The following CLASP1 variants were observed in gnomAD, a reference collection of about 807,000 sequenced individuals.
CLASP1 encodes cytoplasmic linker associated protein 1.
CLASP1 carries 38 observed loss-of-function variants against 192.3 expected under a neutral mutation model. That is an observed-to-expected ratio of 0.20 (90% CI 0.15 to 0.26). The LOEUF (loss-of-function observed/expected upper bound fraction) is 0.26, where lower values mean the gene tolerates loss of function less well. Among genes scored for constraint, CLASP1 ranks in the 10% least tolerant of loss-of-function variants. The pLI is 1.00. For missense variants in CLASP1, 1,433 were observed against 1,932.5 expected, an observed-to-expected ratio of 0.74 and a Z score of 4.85; for synonymous variants, 691 against 712.8, an observed-to-expected ratio of 0.97 and a Z score of 0.49.
In CLASP1 at chr2:121,519,883, T is replaced by G. The variant is rs192428716; in HGVS notation, c.547-4121A>C. On this transcript the variant is annotated intron_variant, in intron 6 of 39. Transcript: ENST00000263710. ...CCATTCAGCTGAGACTGCAGGACAA[T>G]GCAGCTATTCACTTCTACACAGGCT... is the stretch of plus-strand genomic sequence containing the variant. Among the ~76,000 whole-genome samples the G allele has an allele frequency of 1.5e-3, 231 of 152,248 alleles. 1 individual carries two copies. The highest frequency in any genetic ancestry group is 5.4e-3 in the African/African-American group (224 of 41,550).
chr2:121,391,519 C>T (rs2074342562), intron 30 of CLASP1, among the ~76,000 whole-genome samples: 1 of 152,208 alleles, frequency 6.6e-6, no homozygotes, highest in African/African-American at 2.4e-5. Flanking sequence ...TCAGTTTTAA[C>T]CCTCAGTAGT....
At chr2:121,520,019 C>T (rs909807711) in intron 6 of CLASP1, among the ~76,000 whole-genome samples, 1 of 152,206 alleles carries the variant, frequency 6.6e-6, no homozygotes, top group Non-Finnish European at 1.5e-5. Flanking sequence ...CCCATACATG[C>T]AGCACGCTCT....
intron 2 of CLASP1, among the ~76,000 whole-genome samples, chr2:121,572,478 T>C (rs187699136): frequency 6.6e-6 from 1 of 152,198 alleles, no homozygotes; most frequent in African/African-American, 2.4e-5. Context: ...CATTTTCAAA[T>C]AGGCACACAT....
At chr2:121,597,215 C>CAA (rs2063240692) in intron 2 of CLASP1, among the ~76,000 whole-genome samples, 2 of 152,174 alleles carry the variant, frequency 1.3e-5, no homozygotes, top group Non-Finnish European at 2.9e-5. Flanking sequence ...GAGCATCAGT[C>CAA]TTCTCATTTG....
intron 19 of CLASP1, among the ~76,000 whole-genome samples, chr2:121,438,374 A>G (rs2082678262): frequency 6.6e-6 from 1 of 152,232 alleles, no homozygotes; most frequent in South Asian, 2.1e-4. Flanking sequence ...CAAAGTCAAG[A>G]CAGACATTAT....
chr2:121,528,821 T>C, intron 3 of CLASP1, 41 bp from the exon 4 acceptor site: 1 of 1,462,698 alleles, frequency 6.8e-7, no homozygotes, highest in East Asian at 2.3e-5. Flanking sequence ...AAACCCTATT[T>C]GGGGGTCTGT....
intron 35 of CLASP1, among the ~76,000 whole-genome samples, chr2:121,366,849 T>C (rs955821656): frequency 1.3e-5 from 2 of 152,198 alleles, no homozygotes; most frequent in Non-Finnish European, 2.9e-5. Context: ...AAAACACCAT[T>C]GTACAAATAC....
chr2:121,412,149 CT>C (rs1237490081), intron 23 of CLASP1, among the ~76,000 whole-genome samples: 1 of 152,108 alleles, frequency 6.6e-6, no homozygotes, highest in Non-Finnish European at 1.5e-5. Context: ...TGTTATTTAG[CT>C]TTTTAAAAAT....
At position 121,447,631 on chromosome 2, in the gene CLASP1, TA is replaced by T; in HGVS notation, c.1742-125del. 3 of 831,884 alleles carry T rather than the reference TA, an allele frequency of 3.6e-6. No individual in the cohort carries two copies. The South Asian group carries it at 5.5e-5, about 15-fold the overall frequency. 51.5% of individuals were successfully genotyped at this position (831,884 alleles called of 1,614,324 possible). A position where few individuals can be genotyped will look rare whatever the true frequency, so the allele number is the denominator to read the frequency against. On this transcript the variant is annotated intron_variant, in intron 18 of 39. Transcript: ENST00000263710. ...CCAAGTTTTAACAAATGCTGGAGCA[TA>T]AAAAACTGACAAACAGTTTCTCCTG...
chr2:121,568,065 T>G (rs370307603), intron 2 of CLASP1, among the ~76,000 whole-genome samples: 3 of 152,122 alleles, frequency 2.0e-5, no homozygotes, highest in African/African-American at 4.8e-5. Flanking sequence ...GAGTATCCAG[T>G]TTCTAACATG....
chr2:121,610,354 GAGGAGGAAGAGTTAC>G (rs1353628872), intron 1 of CLASP1, among the ~76,000 whole-genome samples: 2 of 150,950 alleles, frequency 1.3e-5, no homozygotes, highest in South Asian at 4.2e-4. Flanking sequence ...GGAGCTGGAG[GAGGAGGAAGAGTTAC>G]AGGAGGAAGA....
chr2:121,476,676 A>T (rs2091654808), intron 8 of CLASP1, among the ~76,000 whole-genome samples: 1 of 152,128 alleles, frequency 6.6e-6, no homozygotes, highest in Non-Finnish European at 1.5e-5. Context: ...AAAATGCCTC[A>T]TTTTCTAAAG....
chr2:121,468,165 T>C (rs1010201521), intron 9 of CLASP1, among the ~76,000 whole-genome samples: 11 of 152,216 alleles, frequency 7.2e-5, no homozygotes, highest in Admixed American at 7.2e-4. Flanking sequence ...GTTCTTGTAC[T>C]ACTACCACAC....
intron 1 of CLASP1, among the ~76,000 whole-genome samples, chr2:121,613,629 T>TTA (rs200355283): frequency 1.3e-5 from 2 of 148,864 alleles, no homozygotes; most frequent in African/African-American, 2.4e-5. Context: ...CCTTTTTTTT[T>TTA]AAAAAAAAAA....
At chr2:121,540,660 C>T (rs1332626596) in intron 2 of CLASP1, among the ~76,000 whole-genome samples, 1 of 151,690 alleles carries the variant, frequency 6.6e-6, no homozygotes, top group Non-Finnish European at 1.5e-5. Flanking sequence ...TAGTGGCATG[C>T]GCCTGTCATC....
intron 2 of CLASP1, among the ~76,000 whole-genome samples, chr2:121,535,166 C>T (rs1376555478): frequency 6.6e-6 from 1 of 152,202 alleles, no homozygotes; most frequent in Non-Finnish European, 1.5e-5. Context: ...GTGGTCCCAG[C>T]TGCTCTGCTC....
chr2:121,471,282 G>A (rs1484530953), intron 8 of CLASP1, among the ~76,000 whole-genome samples: 3 of 152,012 alleles, frequency 2.0e-5, no homozygotes, highest in Non-Finnish European at 2.9e-5. Flanking sequence ...ACCCTGTCTC[G>A]AGAAAAAAGA....
At chr2:121,546,508 A>G (rs553948949) in intron 2 of CLASP1, among the ~76,000 whole-genome samples, 6 of 152,144 alleles carry the variant, frequency 3.9e-5, no homozygotes, top group African/African-American at 1.4e-4. Context: ...CCCACTTGGG[A>G]GTGAAATGGA....
intron 2 of CLASP1, among the ~76,000 whole-genome samples, chr2:121,539,791 T>C (rs770094666): frequency 6.6e-6 from 1 of 152,206 alleles, no homozygotes. Context: ...GGCAAGCCAG[T>C]AGAAAAACAG....
Sources: allele counts gnomAD v4.1 joint callset (sites outside exome capture counted in the v4.1 genomes callset), GRCh38; gene constraint gnomAD v4.1.1; transcripts MANE v1.5; gene names NCBI Gene and HGNC (gene_info 2026-07-23, HGNC 2026-07-21).